DGKB: variants seen among roughly 807,000 people sequenced by gnomAD.
The protein encoded by DGKB is 90 kDa diacylglycerol kinase.
A neutral mutation model predicts 114.3 loss-of-function variants in DGKB; 67 were observed. The observed-to-expected ratio is 0.59, with a 90% confidence interval of 0.48 to 0.72. The LOEUF (loss-of-function observed/expected upper bound fraction) is 0.72, where lower values mean the gene tolerates loss of function less well. Ranked by LOEUF, DGKB falls within the 30% of genes least tolerant of loss-of-function variation. DGKB has a pLI of 0.00. For synonymous variants in DGKB, 398 were observed against 323.1 expected, an observed-to-expected ratio of 1.23 and a Z score of -2.49; for missense variants, 907 against 975.2, an observed-to-expected ratio of 0.93 and a Z score of 0.93.
intron 23 of DGKB, among the ~76,000 whole-genome samples, chr7:14,300,226 G>C (rs899413670): frequency 6.6e-6 from 1 of 152,058 alleles, no homozygotes; most frequent in African/African-American, 2.4e-5. Context: ...ATGTCACTAT[G>C]ATTTTAAATG....
At chr7:14,933,233 T>G (rs569773213) in intron 1 of DGKB, among the ~76,000 whole-genome samples, 1 of 152,340 alleles carries the variant, frequency 6.6e-6, no homozygotes, top group Admixed American at 6.5e-5. Context: ...TTCTATTCGA[T>G]TATTTTCTAT....
At chr7:14,704,120 T>G (rs992471910) in intron 6 of DGKB, among the ~76,000 whole-genome samples, 1 of 151,820 alleles carries the variant, frequency 6.6e-6, no homozygotes, top group Non-Finnish European at 1.5e-5. Context: ...TTCTTTTGAA[T>G]TGAATTGAAT....
rs1284018981 is a variant in DGKB, at chr7:14,145,879, G to C, written c.*3252C>G. Reference sequence around the variant, plus strand: ...GAGATTCAAGGAGAATACAGTGTGAGATTCAAAACATATTCTTCCCTGAAA... The same window carrying C: ...GAGATTCAAGGAGAATACAGTGTGACATTCAAAACATATTCTTCCCTGAAA... On this transcript the variant is annotated 3_prime_UTR_variant, in exon 26 of 26. Transcript: ENST00000402815. The C allele has an allele frequency of 6.6e-6, 1 of 152,168 alleles. No individual in the cohort carries two copies. The highest frequency in any genetic ancestry group is 1.5e-5 in the Non-Finnish European group (1 of 68,010). The allele number at this position is 152,168 out of a possible 1,614,324, so 9.4% of individuals were successfully genotyped here.
At position 14,719,439 on chromosome 7, in the gene DGKB, AG is replaced by A. The variant is rs1564005873; in HGVS notation, c.323-755del. On this transcript the variant is annotated intron_variant, in intron 5 of 25. Transcript: ENST00000402815. ...GTAACTTGTTAGTTCTGTCTTACCC[AG>A]AAGCCACTGAAGTCAGATTGTGTGT... 2.6e-3 allele frequency among the ~76,000 whole-genome samples: 400 copies of A among 151,602 alleles called. 1 individual carries two copies. The highest frequency in any genetic ancestry group is 4.7e-3 in the Non-Finnish European group (319 of 67,762).
intron 2 of DGKB, among the ~76,000 whole-genome samples, chr7:14,825,801 T>C (rs1845628099): frequency 6.6e-6 from 1 of 152,188 alleles, no homozygotes; most frequent in Non-Finnish European, 1.5e-5. Context: ...CAGGCAATTT[T>C]TCCCTTCCTT....
At position 14,155,062 on chromosome 7, in the gene DGKB, C is replaced by A. The variant is rs199635690; in HGVS notation, c.2305-5824G>T. Among the ~76,000 whole-genome samples, 54 of 152,102 alleles carry A rather than the reference C, an allele frequency of 3.6e-4. No homozygotes were observed. The East Asian group carries it at 9.4e-3, about 27-fold the overall frequency. ...TTCAGATTCTGCTTTCGAACAAGAA[C>A]GCCAGATGATTCCTCTGTGCTTTTA... On this transcript the variant is annotated intron_variant, in intron 25 of 25. Transcript: ENST00000402815.
At chr7:14,285,970 A>AATAG (rs1264804293) in intron 23 of DGKB, among the ~76,000 whole-genome samples, 3 of 152,158 alleles carry the variant, frequency 2.0e-5, no homozygotes, top group African/African-American at 7.2e-5. Flanking sequence ...TGTATGCATC[A>AATAG]ATAGATCAGT....
At chr7:14,288,759 C>G (rs1175534031) in intron 23 of DGKB, among the ~76,000 whole-genome samples, 1 of 152,120 alleles carries the variant, frequency 6.6e-6, no homozygotes, top group Non-Finnish European at 1.5e-5. Flanking sequence ...ATGAAAGCAT[C>G]CAAATGTATA....
At chr7:14,962,434 A>G (rs938249627) in intron 1 of DGKB, among the ~76,000 whole-genome samples, 3 of 152,166 alleles carry the variant, frequency 2.0e-5, no homozygotes, top group African/African-American at 7.2e-5. Flanking sequence ...TAGATTTGGA[A>G]TGAAATAATT....
At chr7:14,749,881 G>T (rs969993275) in intron 4 of DGKB, among the ~76,000 whole-genome samples, 6 of 152,116 alleles carry the variant, frequency 3.9e-5, no homozygotes, top group African/African-American at 9.7e-5. Flanking sequence ...TCCACAGGGG[G>T]TTTTTATAAT....
intron 2 of DGKB, among the ~76,000 whole-genome samples, chr7:14,838,125 T>A (rs545729270): frequency 6.6e-6 from 1 of 152,284 alleles, no homozygotes; most frequent in East Asian, 1.9e-4. Context: ...TTACCACTTG[T>A]TTTAGGAATT....
intron 1 of DGKB, among the ~76,000 whole-genome samples, chr7:14,926,728 C>G: frequency 6.6e-6 from 1 of 151,190 alleles, no homozygotes; most frequent in South Asian, 2.1e-4. Flanking sequence ...TCTGATATAC[C>G]CAACATGTAA....
intron 2 of DGKB, among the ~76,000 whole-genome samples, chr7:14,790,951 C>T (rs1335978740): frequency 6.6e-6 from 1 of 151,966 alleles, no homozygotes; most frequent in Non-Finnish European, 1.5e-5. Context: ...GTATATTGAT[C>T]AATTTATTTA....
intron 20 of DGKB, among the ~76,000 whole-genome samples, chr7:14,495,115 G>A (rs1785111440): frequency 6.6e-6 from 1 of 151,798 alleles, no homozygotes; most frequent in African/African-American, 2.4e-5. Flanking sequence ...TTCTCTAGAT[G>A]TAGTCCCCAC....
intron 1 of DGKB, among the ~76,000 whole-genome samples, chr7:14,919,869 T>C (rs1447778541): frequency 6.6e-6 from 1 of 152,128 alleles, no homozygotes; most frequent in Non-Finnish European, 1.5e-5. Context: ...TTCCTCTCCA[T>C]GTGACATGCT....
chr7:14,514,134 T>C (rs1788403433), intron 20 of DGKB, among the ~76,000 whole-genome samples: 1 of 152,078 alleles, frequency 6.6e-6, no homozygotes, highest in African/African-American at 2.4e-5. Context: ...ACCACTTAAA[T>C]CACAAGGCTT....
rs1173622205 is a variant in DGKB at position 14,695,494 on chromosome 7, C to CTTTTTTTTTTTTT, written c.592-1313_592-1301dup. Among the ~76,000 whole-genome samples, 98 of 75,164 alleles carry CTTTTTTTTTTTTT rather than the reference C, an allele frequency of 1.3e-3. 9 individuals carry two copies. The highest frequency in any genetic ancestry group is 2.4e-3 in the African/African-American group (41 of 17,084). The allele number at this position is 75,164 out of a possible 152,430, so 49.3% of individuals were successfully genotyped here. On this transcript the variant is annotated intron_variant, in intron 8 of 25. Transcript: ENST00000402815. ...AATGTTCATTTCTCTCTCTCTCTCT[C>CTTTTTTTTTTTTT]TTTTTTTTTTTTTTTTTTTTTTTGA...
chr7:14,313,572 G>A lies in DGKB; in HGVS notation c.2122+24943C>T, dbSNP rs568961337. Among the ~76,000 whole-genome samples, 9 of 152,284 alleles carry A rather than the reference G, an allele frequency of 5.9e-5. No individual in the cohort carries two copies. The East Asian group carries it at 9.7e-4, about 16-fold the overall frequency. The stretch of plus-strand genomic sequence containing the variant: ...TCCCACCCGAATACTGCGCTTTTCC[G>A]ACGGGCTTAAAAAACAGCGCACCAC... On this transcript the variant is annotated intron_variant, in intron 23 of 25. Coordinates refer to ENST00000402815, the MANE Select transcript of DGKB (RefSeq NM_001350709.2).
intron 23 of DGKB, among the ~76,000 whole-genome samples, chr7:14,245,412 A>G (rs1157626933): frequency 6.6e-6 from 1 of 152,160 alleles, no homozygotes; most frequent in Non-Finnish European, 1.5e-5. Context: ...TCAAAAACTA[A>G]AAGAATGGAG....
Sources: gnomAD v4.1 joint callset for allele counts (sites outside exome capture counted in the v4.1 genomes callset) on GRCh38, gnomAD v4.1.1 for gene constraint, MANE v1.5 for transcripts, NCBI Gene and HGNC (gene_info 2026-07-23, HGNC 2026-07-21) for gene names.